Variants in PSMD1 observed in about 807,000 individuals in gnomAD.
PSMD1 encodes the protein proteasome 26S subunit, non-ATPase 1, also known as 26S proteasome non-ATPase regulatory subunit 1.
Under a neutral mutation model 119.0 loss-of-function variants are expected in PSMD1, and 18 were observed. The ratio of observed to expected loss-of-function variants is 0.15; its 90% CI spans 0.10 to 0.22. The LOEUF (loss-of-function observed/expected upper bound fraction) is 0.22, where lower values mean the gene tolerates loss of function less well. Ranked by LOEUF, PSMD1 falls within the 10% of genes least tolerant of loss-of-function variation. The probability of loss-of-function intolerance (pLI) is 1.00; values close to 1 mark genes in which losing one functional copy is unlikely to be tolerated. For missense variants in PSMD1, 702 were observed against 1,158.5 expected (o/e 0.61, Z 5.72); for synonymous variants, 374 against 396.6 (o/e 0.94, Z 0.68).
rs199737185 is a variant in PSMD1, at chr2:231,139,038, A to G, written c.1998+188A>G. The G allele has an allele frequency of 4.5e-4, 303 of 680,650 alleles. No homozygotes were observed. The East Asian group carries it at 8.4e-3, about 19-fold the overall frequency. 42.2% of individuals were successfully genotyped at this position (680,650 alleles called of 1,614,324 possible). ...ATTGCCCAAAGCTGCTTAAGAATAAATCGTCACATTACATGGATAGCTGTA... is the reference window on the plus strand; with the variant it reads ...ATTGCCCAAAGCTGCTTAAGAATAAGTCGTCACATTACATGGATAGCTGTA... On this transcript the variant is annotated intron_variant, in intron 17 of 24. Coordinates refer to ENST00000308696, the MANE Select transcript of PSMD1 (RefSeq NM_002807.4).
chr2:231,090,299 T>C lies in PSMD1; in HGVS notation c.1883+3118T>C, dbSNP rs1694558364. Among the ~76,000 whole-genome samples the C allele has an allele frequency of 2.0e-5, 3 of 152,208 alleles. No homozygotes were observed. The South Asian group carries it at 6.2e-4, about 31-fold the overall frequency. ...GGCTCACGCCTGTAATCCCAGCACT[T>C]TGGGAAGCCAACGCGGCAGATCACC... is the stretch of plus-strand genomic sequence containing the variant. On this transcript the variant is annotated intron_variant, in intron 16 of 24. Coordinates refer to ENST00000308696, the MANE Select transcript of PSMD1 (RefSeq NM_002807.4).
chr2:231,098,862 A>G (rs186038593), intron 16 of PSMD1, among the ~76,000 whole-genome samples: 9 of 152,336 alleles, frequency 5.9e-5, no homozygotes, highest in Non-Finnish European at 7.4e-5. Context: ...TACAAAGCCA[A>G]TGGCCCCCCC....
intron 16 of PSMD1, among the ~76,000 whole-genome samples, chr2:231,094,797 A>G (rs1694687190): frequency 6.6e-6 from 1 of 152,236 alleles, no homozygotes; most frequent in African/African-American, 2.4e-5. Context: ...GGCATGCTCT[A>G]TATGGCCTGT....
At chr2:231,171,135 G>A (rs769841154) in intron 24 of PSMD1, among the ~76,000 whole-genome samples, 9 of 152,294 alleles carry the variant, frequency 5.9e-5, no homozygotes, top group South Asian at 4.1e-4. Context: ...TTGTGGACTG[G>A]CACTGGCCCA....
At chr2:231,081,381 T>C (rs1334923003) in intron 12 of PSMD1, among the ~76,000 whole-genome samples, 1 of 152,194 alleles carries the variant, frequency 6.6e-6, no homozygotes, top group Non-Finnish European at 1.5e-5. Context: ...ATAAGAAGTT[T>C]ATTGGAAATA....
Position 231,127,499 on chromosome 2 carries a change from C to T in PSMD1, c.1884-11237C>T, listed in dbSNP as rs185468315. 3.3e-3 allele frequency among the ~76,000 whole-genome samples: 508 copies of T among 152,216 alleles called. 4 individuals carry two copies. Among genetic ancestry groups the T allele is most frequent in the African/African-American group, 0.012 (484 of 41,530 alleles). On this transcript the variant is annotated intron_variant, in intron 16 of 24. Coordinates refer to ENST00000308696, the MANE Select transcript of PSMD1 (RefSeq NM_002807.4). ...CCTCCCAAGTAGCTGGGATTACAGG[C>T]GCCTGCCACCACGCCTGGCTAATTT...
In PSMD1 at chr2:231,109,482, T is replaced by C. The variant is rs1574736229; in HGVS notation, c.1883+22301T>C. ...ACTCTTCGATTAGATCCTTTTGGAT[T>C]GTATCCTTATAACTTTATGCTTGTT... On this transcript the variant is annotated intron_variant, in intron 16 of 24. Transcript: ENST00000308696. 2.3e-6 allele frequency: 3 copies of C among 1,285,142 alleles called. No individual in the cohort carries two copies. In the East Asian group the frequency reaches 7.0e-5, roughly 30 times the overall value. The allele number at this position is 1,285,142 out of a possible 1,614,324, so 79.6% of individuals were successfully genotyped here.
At chr2:231,102,247 C>A (rs1407355024) in intron 16 of PSMD1, among the ~76,000 whole-genome samples, 1 of 152,166 alleles carries the variant, frequency 6.6e-6, no homozygotes, top group African/African-American at 2.4e-5. Flanking sequence ...GTGTGACTCA[C>A]TTTACTGCTA....
chr2:231,088,929 A>T (rs1022870709), intron 16 of PSMD1, among the ~76,000 whole-genome samples: 1 of 152,230 alleles, frequency 6.6e-6, no homozygotes, highest in Non-Finnish European at 1.5e-5. Context: ...GTTCTTGGAG[A>T]AAATTAACAG....
intron 7 of PSMD1, among the ~76,000 whole-genome samples, chr2:231,074,478 G>T (rs1353445369): frequency 6.6e-6 from 1 of 151,742 alleles, no homozygotes; most frequent in East Asian, 1.9e-4. Flanking sequence ...TATGTGTGGT[G>T]GTTACAAGTT....
intron 12 of PSMD1, among the ~76,000 whole-genome samples, chr2:231,081,017 A>C (rs1220040246): frequency 6.6e-6 from 1 of 151,936 alleles, no homozygotes; most frequent in Non-Finnish European, 1.5e-5. Context: ...GGTGGTGGGC[A>C]CCTGTAATCC....
At position 231,087,153 on chromosome 2, in the gene PSMD1, G is replaced by T; in HGVS notation, c.1855G>T (p.Val619Leu). 2.5e-6 allele frequency: 4 copies of T among 1,613,644 alleles called. No homozygotes were observed. The highest frequency in any genetic ancestry group is 3.4e-6 in the Non-Finnish European group (4 of 1,179,782). ...TAATGATGATGTCAGGAGGGCAGCA[G>T]TAGAATCACTTGGGTTCATTCTATT... ...DVNDDVRRAAVESLGFILFRT... is the reference protein window; with the variant it reads ...DVNDDVRRAALESLGFILFRT... The change falls in exon 16 of 25, where the codon GTA becomes TTA. Residue 619 changes from valine (V) to leucine (L), a missense_variant. Val to Leu is a conservative substitution (Grantham distance 32). Transcript: ENST00000308696.
intron 16 of PSMD1, chr2:231,108,952 C>G: frequency 1.2e-6 from 2 of 1,614,074 alleles, no homozygotes; most frequent in African/African-American, 1.3e-5. Context: ...AGAAGGGACA[C>G]CACATAAGCA....
At chr2:231,089,450 A>G (rs1288522870) in intron 16 of PSMD1, among the ~76,000 whole-genome samples, 1 of 152,156 alleles carries the variant, frequency 6.6e-6, no homozygotes, top group African/African-American at 2.4e-5. Context: ...TTTAAGTTGA[A>G]GCCAATGCTC....
At chr2:231,110,796 G>A (rs546182410) in intron 16 of PSMD1, among the ~76,000 whole-genome samples, 14 of 152,198 alleles carry the variant, frequency 9.2e-5, no homozygotes, top group Non-Finnish European at 1.6e-4. Context: ...ACTCCCATTT[G>A]TTAGTAACAT....
At chr2:231,100,714 C>T (rs1335450438) in intron 16 of PSMD1, among the ~76,000 whole-genome samples, 1 of 152,118 alleles carries the variant, frequency 6.6e-6, no homozygotes, top group Non-Finnish European at 1.5e-5. Context: ...CATTAGGTCC[C>T]TTAATTGAGC....
intron 5 of PSMD1, among the ~76,000 whole-genome samples, chr2:231,067,814 A>C (rs1331346004): frequency 2.0e-5 from 3 of 151,898 alleles, no homozygotes; most frequent in Non-Finnish European, 4.4e-5. Flanking sequence ...GTGCCACCAC[A>C]CCCAGCTAAT....
chr2:231,149,142 G>A (rs899377278), intron 18 of PSMD1, among the ~76,000 whole-genome samples: 2 of 152,138 alleles, frequency 1.3e-5, no homozygotes, highest in East Asian at 1.9e-4. Context: ...AGCTCCACAC[G>A]TTGCCCTCTT....
chr2:231,133,351 G>A (rs1482693600), intron 16 of PSMD1: 1 of 152,130 alleles, frequency 6.6e-6, no homozygotes, highest in Non-Finnish European at 1.5e-5. Context: ...CTTAATTGCT[G>A]TGTATTGAGT....
Sources: allele counts gnomAD v4.1 joint callset (sites outside exome capture counted in the v4.1 genomes callset), GRCh38; gene constraint gnomAD v4.1.1; transcripts MANE v1.5; gene names NCBI Gene and HGNC (gene_info 2026-07-23, HGNC 2026-07-21).